The following XPO7 variants were observed in gnomAD, a reference collection of about 807,000 sequenced individuals.
The protein encoded by XPO7 is exportin 7, also known as exportin-7.
A neutral mutation model predicts 144.3 loss-of-function variants in XPO7; 21 were observed. The ratio of observed to expected loss-of-function variants is 0.15; its 90% CI spans 0.10 to 0.21. XPO7 has a LOEUF of 0.21. XPO7 is among the 10% of genes least tolerant of loss of function. The pLI is 1.00. For synonymous variants in XPO7, 580 were observed against 499.6 expected (o/e 1.16, Z -2.15); for missense variants, 808 against 1,325.8 (o/e 0.61, Z 6.06).
At chr8:21,927,538 CTTTTT>C (rs576510771) in intron 1 of XPO7, among the ~76,000 whole-genome samples, 2 of 120,556 alleles carry the variant, frequency 1.7e-5, no homozygotes, top group South Asian at 5.7e-4. Flanking sequence ...AAAAACCAAC[CTTTTT>C]TTTTTTTTTT....
intron 5 of XPO7, among the ~76,000 whole-genome samples, chr8:21,973,944 A>C (rs1345247997): frequency 6.6e-6 from 1 of 152,228 alleles, no homozygotes; most frequent in Non-Finnish European, 1.5e-5. Context: ...ATAGGTTAGA[A>C]AAGGAGGTGA....
At chr8:21,956,863 G>T (rs1811553077) in intron 1 of XPO7, among the ~76,000 whole-genome samples, 1 of 151,130 alleles carries the variant, frequency 6.6e-6, no homozygotes, top group South Asian at 2.1e-4. Context: ...GTTCCAGATT[G>T]CTTTTTGCAT....
chr8:21,973,536 A>C (rs534753183), intron 5 of XPO7, among the ~76,000 whole-genome samples: 66 of 152,350 alleles, frequency 4.3e-4, no homozygotes, highest in African/African-American at 1.6e-3. Context: ...TGATTGTCAG[A>C]TTCAAAAAAG....
At chr8:21,984,952 T>G in intron 12 of XPO7, 113 bp downstream of exon 12, 3 of 1,148,546 alleles carry the variant, frequency 2.6e-6, no homozygotes, top group East Asian at 5.0e-5. Context: ...TTTCATCATC[T>G]GTTGTCTCCA....
At chr8:21,957,766 C>G (rs1441808293) in intron 1 of XPO7, among the ~76,000 whole-genome samples, 1 of 152,214 alleles carries the variant, frequency 6.6e-6, no homozygotes, top group Non-Finnish European at 1.5e-5. Flanking sequence ...CATTTCCATC[C>G]CAGTCCATGC....
At chr8:21,965,704 C>T (rs1178260083) in intron 1 of XPO7, among the ~76,000 whole-genome samples, 3 of 152,252 alleles carry the variant, frequency 2.0e-5, no homozygotes, top group Non-Finnish European at 2.9e-5. Flanking sequence ...ATGAATCCTG[C>T]CCCAAAGGCT....
At chr8:21,959,912 C>T (rs1381266930) in intron 1 of XPO7, among the ~76,000 whole-genome samples, 1 of 152,212 alleles carries the variant, frequency 6.6e-6, no homozygotes, top group Non-Finnish European at 1.5e-5. Flanking sequence ...CCGAACTCTT[C>T]TCTGCCTAAG....
At chr8:21,939,149 A>G (rs1416965147) in intron 1 of XPO7, among the ~76,000 whole-genome samples, 1 of 151,824 alleles carries the variant, frequency 6.6e-6, no homozygotes, top group Non-Finnish European at 1.5e-5. Context: ...TTTCTAAAAA[A>G]TAGGTGTACG....
At chr8:21,933,511 A>G (rs1172416630) in intron 1 of XPO7, among the ~76,000 whole-genome samples, 1 of 152,220 alleles carries the variant, frequency 6.6e-6, no homozygotes, top group Non-Finnish European at 1.5e-5. Context: ...ATATATCATT[A>G]GTTTCCTGAG....
At chr8:21,942,672 T>C (rs1270328328) in intron 1 of XPO7, among the ~76,000 whole-genome samples, 1 of 152,240 alleles carries the variant, frequency 6.6e-6, no homozygotes, top group East Asian at 1.9e-4. Flanking sequence ...CAACAAGTGA[T>C]AGTTTTGTAA....
intron 1 of XPO7, among the ~76,000 whole-genome samples, chr8:21,948,141 C>T (rs370109395): frequency 1.7e-3 from 262 of 152,266 alleles, no homozygotes; most frequent in African/African-American, 5.9e-3. Flanking sequence ...AAACCCAACC[C>T]TTAATTAGAA....
intron 1 of XPO7, among the ~76,000 whole-genome samples, chr8:21,934,111 C>T (rs935128386): frequency 6.6e-5 from 10 of 152,170 alleles, no homozygotes; most frequent in African/African-American, 7.2e-5. Context: ...TAGGCATGTC[C>T]TTGCTTTCGT....
intron 7 of XPO7, among the ~76,000 whole-genome samples, 190 bp from the exon 8 acceptor site, chr8:21,977,580 G>A (rs911277374): frequency 3.9e-5 from 6 of 151,912 alleles, no homozygotes; most frequent in South Asian, 2.1e-4. Flanking sequence ...GGGAGACTCC[G>A]TCTCAAAAAA....
rs1185135813 is a variant in XPO7 at position 21,999,258 on chromosome 8, C to G, written c.2596C>G (p.Gln866Glu). 6.2e-7 allele frequency: 1 copy of G among 1,613,470 alleles called. No homozygotes were observed. Among genetic ancestry groups the G allele is most frequent in the Admixed American group, 1.7e-5 (1 of 59,998 alleles). ...YGDDALDNALQTFIKLLLSIP... is the reference protein window; with the variant it reads ...YGDDALDNALETFIKLLLSIP... The stretch of plus-strand genomic sequence containing the variant: ...AGACGATGCCCTGGACAATGCTCTG[C>G]AGACCTTCATCAAGCTGCTCCTCTC... Residue 866 changes from glutamine to glutamate, a missense_variant, in exon 23 of 28, where the codon CAG (glutamine) becomes GAG (glutamate). Physicochemically the swap from Gln to Glu is conservative, Grantham distance 29 (BLOSUM62 2). Transcript: ENST00000252512.
In XPO7 at chr8:21,963,643, C is replaced by T. The variant is rs374879734; in HGVS notation, c.19-3214C>T. On this transcript the variant is annotated intron_variant, in intron 1 of 27. Transcript: ENST00000252512. ...CCAGGAGGCGGAGGTTACAGTGAGCCGAGATCACATCACTGCACTCCAGCC... is the reference window on the plus strand; with the variant it reads ...CCAGGAGGCGGAGGTTACAGTGAGCTGAGATCACATCACTGCACTCCAGCC... 4.8e-3 allele frequency among the ~76,000 whole-genome samples: 721 copies of T among 151,192 alleles called. 7 individuals carry two copies. Among genetic ancestry groups the T allele is most frequent in the African/African-American group, 0.017 (694 of 41,128 alleles).
rs540298114 is a variant in XPO7 at position 21,949,478 on chromosome 8, T to C, written c.19-17379T>C. Among the ~76,000 whole-genome samples, 22 of 152,374 alleles carry C rather than the reference T, an allele frequency of 1.4e-4. No individual in the cohort carries two copies. The South Asian group carries it at 4.6e-3, about 32-fold the overall frequency. ...TATTGCCACTCAGATGGAAATTCTT[T>C]TTATGCATTAATTGTGTCAGAGTAG... On this transcript the variant is annotated intron_variant, in intron 1 of 27. Transcript: ENST00000252512.
intron 1 of XPO7, among the ~76,000 whole-genome samples, chr8:21,937,713 C>T (rs1340433715): frequency 6.6e-6 from 1 of 152,102 alleles, no homozygotes; most frequent in African/African-American, 2.4e-5. Context: ...AATTAAAGTA[C>T]CCTGGACCAA....
intron 1 of XPO7, among the ~76,000 whole-genome samples, chr8:21,957,543 A>G (rs563851127): frequency 3.3e-4 from 50 of 152,024 alleles, no homozygotes; most frequent in Non-Finnish European, 6.5e-4. Context: ...TTCCCTATCT[A>G]TCCTTGTGGG....
chr8:21,945,221 G>A (rs995283942), intron 1 of XPO7, among the ~76,000 whole-genome samples: 8 of 152,176 alleles, frequency 5.3e-5, no homozygotes, highest in African/African-American at 1.9e-4. Flanking sequence ...ACGGGGTGGC[G>A]GCCGGGCGGG....
Sources: allele counts gnomAD v4.1 joint callset (sites outside exome capture counted in the v4.1 genomes callset), GRCh38; gene constraint gnomAD v4.1.1; transcripts MANE v1.5; gene names NCBI Gene and HGNC (gene_info 2026-07-23, HGNC 2026-07-21).